COL5A1: variants seen among roughly 807,000 people sequenced by gnomAD.
The protein encoded by COL5A1 is collagen alpha-1(V) chain.
COL5A1 carries 16 observed loss-of-function variants against 263.7 expected under a neutral mutation model. That is an observed-to-expected ratio of 0.06 (90% CI 0.04 to 0.09). COL5A1 has a LOEUF of 0.09. Among genes scored for constraint, COL5A1 ranks in the 10% least tolerant of loss-of-function variants. The probability of loss-of-function intolerance (pLI) is 1.00; values close to 1 mark genes in which losing one functional copy is unlikely to be tolerated. For missense variants in COL5A1, 2,036 were observed against 2,540.5 expected, an observed-to-expected ratio of 0.80 and a Z score of 4.27; for synonymous variants, 1,012 against 1,004.5, an observed-to-expected ratio of 1.01 and a Z score of -0.14.
chr9:134,654,704 T>A (rs1411552103), intron 1 of COL5A1, among the ~76,000 whole-genome samples: 1 of 67,424 alleles, frequency 1.5e-5, no homozygotes, highest in Non-Finnish European at 2.9e-5. Flanking sequence ...TGTAGGGCTG[T>A]AGGTGTGTAG....
At chr9:134,728,945 G>C in intron 6 of COL5A1, 138 bp downstream of exon 6, 1 of 1,121,316 alleles carries the variant, frequency 8.9e-7, no homozygotes, top group Non-Finnish European at 1.3e-6. Flanking sequence ...GCTCAGTGAG[G>C]GAGCCGGCTG....
chr9:134,709,760 G>T (rs1057452579), intron 4 of COL5A1, among the ~76,000 whole-genome samples: 1 of 152,182 alleles, frequency 6.6e-6, no homozygotes, highest in African/African-American at 2.4e-5. Flanking sequence ...CTTGGGAGCC[G>T]GCCTTATCCA....
intron 1 of COL5A1, among the ~76,000 whole-genome samples, chr9:134,672,076 A>C (rs935823791): frequency 5.9e-5 from 9 of 152,234 alleles, no homozygotes; most frequent in African/African-American, 2.2e-4. Context: ...GCCAGTTAAA[A>C]ATTGCCCATT....
At chr9:134,805,779 G>T (rs1050509480) in intron 41 of COL5A1, among the ~76,000 whole-genome samples, 6 of 152,230 alleles carry the variant, frequency 3.9e-5, no homozygotes, top group Non-Finnish European at 8.8e-5. Context: ...GAGGGGAGGG[G>T]TTGCCCTGCA....
rs561047992 is a variant in COL5A1, at chr9:134,690,286, C to T, written c.110-626C>T. 1.5e-4 allele frequency among the ~76,000 whole-genome samples: 23 copies of T among 149,452 alleles called. No individual in the cohort carries two copies. The East Asian group carries it at 4.1e-3, about 27-fold the overall frequency. ...CCCGCTGTAAACGGTCATGGGAAGG[C>T]GACAGACAGTCCAGGTGGATAATGA... On this transcript the variant is annotated intron_variant, in intron 1 of 65. Transcript: ENST00000371817.
intron 11 of COL5A1, among the ~76,000 whole-genome samples, chr9:134,746,044 C>A (rs1274369901): frequency 6.6e-6 from 1 of 152,210 alleles, no homozygotes; most frequent in East Asian, 1.9e-4. Flanking sequence ...TCACTCCCAT[C>A]CTCAAAGACC....
Position 134,728,740 on chromosome 9 carries a change from T to C in COL5A1, c.857T>C (p.Leu286Pro), listed in dbSNP as rs766155415. ...CCCTACTACGAAGACCCCGAAGACC[T>C]AGGGAAGGAGCCCACCCCCAGCAAG... ...EYPYYEDPED[L>P]GKEPTPSKKP... Residue 286 changes from leucine (L) to proline (P), a missense_variant, in exon 6 of 66, where the codon CTA becomes CCA. By Grantham distance (98) the Leu-to-Pro change is moderately conservative. Coordinates refer to ENST00000371817, the MANE Select transcript of COL5A1 (RefSeq NM_000093.5). The C allele has an allele frequency of 9.3e-6, 15 of 1,613,906 alleles. No homozygotes were observed. Among genetic ancestry groups the C allele is most frequent in the Middle Eastern group, 1.6e-4 (1 of 6,084 alleles).
rs1833078725 is a variant in COL5A1, at chr9:134,686,342, C to G, written c.110-4570C>G. ...GATCCTGGCTTACTGCAACCTCCAC[C>G]ACCCAGGGTCAAACGAGCCTCACAC... is the stretch of plus-strand genomic sequence containing the variant. On this transcript the variant is annotated intron_variant, in intron 1 of 65. Transcript: ENST00000371817. This position sits in a 1 kb window ranked among gnomAD's most constrained non-coding sequence, Gnocchi z 4.6. Among the ~76,000 whole-genome samples, 1 of 152,142 alleles carries G rather than the reference C, an allele frequency of 6.6e-6. No homozygotes were observed. The highest frequency in any genetic ancestry group is 2.4e-5 in the African/African-American group (1 of 41,424).
rs946967355 is a variant in COL5A1 at position 134,642,364 on chromosome 9, C to A, written c.109+68C>A. ...GCAGCCCGGGCGCCGCTGTCATCCC[C>A]GGGCGCCTTCGCCCGCAGAACTTTT... On this transcript the variant is annotated intron_variant, in intron 1 of 65. Coordinates refer to ENST00000371817, the MANE Select transcript of COL5A1 (RefSeq NM_000093.5). This position sits in a 1 kb window ranked among gnomAD's most constrained non-coding sequence, Gnocchi z 4.5. 2 of 350,890 alleles carry A rather than the reference C, an allele frequency of 5.7e-6. No homozygotes were observed. Among genetic ancestry groups the A allele is most frequent in the East Asian group, 6.3e-5 (1 of 15,896 alleles). The allele number at this position is 350,890 out of a possible 1,614,324, so 21.7% of individuals were successfully genotyped here.
intron 42 of COL5A1, among the ~76,000 whole-genome samples, chr9:134,808,108 A>G (rs1347925473): frequency 1.3e-5 from 2 of 152,172 alleles, no homozygotes; most frequent in African/African-American, 4.8e-5. Context: ...TATGAATAGG[A>G]GCTCAGTTTG....
intron 16 of COL5A1, among the ~76,000 whole-genome samples, chr9:134,756,337 T>C (rs10124841): frequency 0.22 from 32,722 of 152,160 alleles, 3,703 homozygotes; most frequent in East Asian, 0.34. Flanking sequence ...CCTTTCTCTC[T>C]TTCCTCTGAC....
At chr9:134,801,836 T>A in intron 37 of COL5A1, 118 bp from the exon 38 acceptor site, 2 of 890,246 alleles carry the variant, frequency 2.2e-6, no homozygotes, top group Non-Finnish European at 3.7e-6. Flanking sequence ...ACACAAAGTC[T>A]GGAACATCTA....
chr9:134,739,765 C>G (rs932821302), intron 11 of COL5A1, among the ~76,000 whole-genome samples: 4 of 152,018 alleles, frequency 2.6e-5, no homozygotes, highest in Admixed American at 2.0e-4. Context: ...GCTCAGTACC[C>G]CTGGAAAGCT....
At chr9:134,798,487 G>A (rs937282413) in intron 37 of COL5A1, 26 bp downstream of exon 37, 12 of 1,611,974 alleles carry the variant, frequency 7.4e-6, no homozygotes, top group East Asian at 2.2e-5. Context: ...GCTGGGGGAC[G>A]TGGCTGGCTG....
At position 134,761,861 on chromosome 9, in the gene COL5A1, G is replaced by A. The variant is rs1836455599; in HGVS notation, c.1936-64G>A. On this transcript the variant is annotated intron_variant, in intron 18 of 65. Coordinates refer to ENST00000371817, the MANE Select transcript of COL5A1 (RefSeq NM_000093.5). The stretch of plus-strand genomic sequence containing the variant: ...TCAGAATTAGAGAAAAACAAAGTGG[G>A]ACCTTGGACAAGCCCTGCATGACCT... 4.0e-6 allele frequency: 6 copies of A among 1,498,576 alleles called. No individual in the cohort carries two copies. In the East Asian group the frequency reaches 1.4e-4, roughly 34 times the overall value. The allele number at this position is 1,498,576 out of a possible 1,614,324, so 92.8% of individuals were successfully genotyped here.
At chr9:134,703,120 G>A (rs998103243) in intron 4 of COL5A1, among the ~76,000 whole-genome samples, 5 of 152,260 alleles carry the variant, frequency 3.3e-5, no homozygotes, top group Non-Finnish European at 7.3e-5. Flanking sequence ...TGAAGGTGGT[G>A]GAGATTCTGC....
intron 30 of COL5A1, 151 bp from the exon 31 acceptor site, chr9:134,785,843 GC>G (rs1837438024): frequency 4.1e-6 from 3 of 724,352 alleles, no homozygotes; most frequent in Non-Finnish European, 7.4e-6. Context: ...CCTAGGGCAG[GC>G]AGGGCTTCTG....
intron 4 of COL5A1, among the ~76,000 whole-genome samples, chr9:134,706,177 G>A (rs1423311385): frequency 6.6e-6 from 1 of 152,226 alleles, no homozygotes; most frequent in Non-Finnish European, 1.5e-5. Context: ...CATTGTCCTG[G>A]GAAGTTCTCA....
rs35817169 is a variant in COL5A1, at chr9:134,708,419, C to CGGGG, written c.654+7087_654+7090dup. ...TGCCATTGCGGCTCAGAGCAACTCCCGGGGTGGGGGCTCTGGTGCACCTGC... is the reference window on the plus strand; with the variant it reads ...TGCCATTGCGGCTCAGAGCAACTCCCGGGGGGGGTGGGGGCTCTGGTGCACCTGC... On this transcript the variant is annotated intron_variant, in intron 4 of 65. Transcript: ENST00000371817. 1.4e-3 allele frequency: 517 copies of CGGGG among 371,218 alleles called. 3 individuals are homozygous for CGGGG. Among genetic ancestry groups the CGGGG allele is most frequent in the African/African-American group, 0.011 (476 of 45,092 alleles). 23.0% of individuals were successfully genotyped at this position (371,218 alleles called of 1,614,324 possible).
Sources: gnomAD v4.1 joint callset for allele counts (sites outside exome capture counted in the v4.1 genomes callset) on GRCh38, gnomAD v4.1.1 for gene constraint, Gnocchi (gnomAD v3.1) non-coding constraint, MANE v1.5 for transcripts, NCBI Gene and HGNC (gene_info 2026-07-23, HGNC 2026-07-21) for gene names.